The following SF3B3 variants were observed in gnomAD, a reference collection of about 807,000 sequenced individuals.
SF3B3 encodes the protein SAP 130.
A neutral mutation model predicts 139.2 loss-of-function variants in SF3B3; 33 were observed. The observed-to-expected ratio is 0.24, with a 90% CI of 0.18 to 0.32. The LOEUF (loss-of-function observed/expected upper bound fraction) is 0.32. Among genes scored for constraint, SF3B3 ranks in the 10% least tolerant of loss-of-function variants. The pLI, the probability that SF3B3 is intolerant of heterozygous loss-of-function variation, is 1.00. For synonymous variants in SF3B3, 596 were observed against 563.6 expected (o/e 1.06, Z -0.81); for missense variants, 818 against 1,509.4 (o/e 0.54, Z 7.59).
Position 70,572,614 on chromosome 16 carries a change from T to C in SF3B3, c.*801T>C, listed in dbSNP as rs7190039. 0.62 allele frequency: 95,975 copies of C among 154,330 alleles called. 32,584 individuals carry two copies. Among genetic ancestry groups the C allele is most frequent in the African/African-American group, 0.91 (37,674 of 41,498 alleles). 9.6% of individuals were successfully genotyped at this position (154,330 alleles called of 1,614,324 possible). A position where few individuals can be genotyped will look rare whatever the true frequency, so the allele number is the denominator to read the frequency against. On this transcript the variant is annotated 3_prime_UTR_variant, in exon 26 of 26. Transcript: ENST00000302516. ...AGTATGGGGATTTTAGCATGAATTC[T>C]AGCTGGGGAGTCTTAACAGATGCCC... is the stretch of plus-strand genomic sequence containing the variant.
chr16:70,538,155 A>G, intron 6 of SF3B3, 168 bp from the exon 7 acceptor site: 2 of 746,768 alleles, frequency 2.7e-6, no homozygotes, highest in Non-Finnish European at 4.9e-6. Context: ...TTTATATTAG[A>G]ATTTTGAGCT....
At chr16:70,555,247 A>G (rs75530043) in intron 13 of SF3B3, 41 bp downstream of exon 13, 1 of 1,565,630 alleles carries the variant, frequency 6.4e-7, no homozygotes, top group Admixed American at 1.7e-5. Context: ...TATTGTAGGG[A>G]CCAGAGGGAA....
At chr16:70,570,819 T>G (rs1281046737) in intron 24 of SF3B3, among the ~76,000 whole-genome samples, 1 of 152,224 alleles carries the variant, frequency 6.6e-6, no homozygotes, top group Non-Finnish European at 1.5e-5. Flanking sequence ...TTGGCATGTT[T>G]TATTCCAGCC....
intron 6 of SF3B3, 132 bp from the exon 7 acceptor site, chr16:70,538,191 A>G (rs572369703): frequency 2.4e-6 from 2 of 828,586 alleles, no homozygotes; most frequent in African/African-American, 1.7e-5. Flanking sequence ...TCTGGCTGGC[A>G]GGACACTGTG....
chr16:70,556,745 T>C, intron 14 of SF3B3, 141 bp from the exon 15 acceptor site: 3 of 802,944 alleles, frequency 3.7e-6, no homozygotes, highest in Admixed American at 2.3e-5. Context: ...AATAACTCAG[T>C]ACTCTCTTAG....
rs1290525089 is a variant in SF3B3, at chr16:70,530,803, T to A, written c.456T>A (p.Leu152=). 1 of 1,614,126 alleles carries A rather than the reference T, an allele frequency of 6.2e-7. No homozygotes were observed. The highest frequency in any genetic ancestry group is 1.7e-5 in the Admixed American group (1 of 60,012). Residue 152 remains leucine, a synonymous_variant, in exon 4 of 26, where the codon CTT becomes CTA. Transcript: ENST00000302516. ...TGAACAGAGATGCTGCAGCCCGACT[T>A]ACCATTTCATCTCCCCTGGAAGCCC... ...YILNRDAAAR[L]TISSPLEAHK... is the part of the protein sequence containing the mutation.
rs1321352937 is a variant in SF3B3, at chr16:70,523,849, T to C, written c.-150T>C. 11 of 519,384 alleles carry C rather than the reference T, an allele frequency of 2.1e-5. No homozygotes were observed. The highest frequency in any genetic ancestry group is 3.0e-5 in the South Asian group (1 of 33,100). 32.2% of individuals were successfully genotyped at this position (519,384 alleles called of 1,614,324 possible). ...CTTGAGGTCTAATGGCGGACGCCAGTATGTTGGAGTTGGTGGTGGCTTAAG... is the reference window on the plus strand; with the variant it reads ...CTTGAGGTCTAATGGCGGACGCCAGCATGTTGGAGTTGGTGGTGGCTTAAG... On this transcript the variant is annotated 5_prime_UTR_variant, in exon 1 of 26. Transcript: ENST00000302516.
intron 15 of SF3B3, 97 bp from the exon 16 acceptor site, chr16:70,560,372 G>T: frequency 7.8e-7 from 1 of 1,275,530 alleles, no homozygotes; most frequent in Non-Finnish European, 1.1e-6. Flanking sequence ...CTTTCTATCT[G>T]CTCTAATTTC....
At chr16:70,556,461 A>G (rs2050380576) in intron 14 of SF3B3, 127 bp downstream of exon 14, 1 of 981,502 alleles carries the variant, frequency 1.0e-6, no homozygotes, top group Non-Finnish European at 1.6e-6. Context: ...CCCAGAATCC[A>G]TACCTGCTGC....
chr16:70,567,437 T>C lies in SF3B3; in HGVS notation c.2853T>C (p.Ala951=). The change falls in exon 21 of 26, where the codon GCT becomes GCC. Residue 951 remains alanine (A), a synonymous_variant. Coordinates refer to ENST00000302516, the MANE Select transcript of SF3B3 (RefSeq NM_012426.5). Reference sequence around the variant, plus strand: ...CTCCTGTGGAAGAGGTCCCTGCTGCTATTGCCCCATTCCAGGGGAGGGTGT... The same window carrying C: ...CTCCTGTGGAAGAGGTCCCTGCTGCCATTGCCCCATTCCAGGGGAGGGTGT... The part of the protein sequence containing the change: ...HKTPVEEVPA[A]IAPFQGRVLI... 6.2e-7 allele frequency: 1 copy of C among 1,614,016 alleles called. No individual in the cohort carries two copies. Among genetic ancestry groups the C allele is most frequent in the Non-Finnish European group, 8.5e-7 (1 of 1,179,926 alleles).
chr16:70,569,005 C>A, intron 22 of SF3B3, 38 bp from the exon 23 acceptor site: 1 of 1,483,842 alleles, frequency 6.7e-7, no homozygotes, highest in Admixed American at 1.9e-5. Flanking sequence ...TGAGCAGGTC[C>A]GGGCCCCAGC....
In SF3B3 at chr16:70,576,531, C is replaced by A. The variant is rs912922376; in HGVS notation, c.*4718C>A. ...GGCTTAGAAGTTACTAATTTGGAGCCGTGAGTATATGTGTATAAGCTAGTA... is the reference window on the plus strand; with the variant it reads ...GGCTTAGAAGTTACTAATTTGGAGCAGTGAGTATATGTGTATAAGCTAGTA... On this transcript the variant is annotated 3_prime_UTR_variant, in exon 26 of 26. Coordinates refer to ENST00000302516, the MANE Select transcript of SF3B3 (RefSeq NM_012426.5). 6.6e-6 allele frequency: 1 copy of A among 152,098 alleles called. No individual in the cohort carries two copies. Among genetic ancestry groups the A allele is most frequent in the African/African-American group, 2.4e-5 (1 of 41,406 alleles). 9.4% of individuals were successfully genotyped at this position (152,098 alleles called of 1,614,324 possible).
At position 70,571,882 on chromosome 16, in the gene SF3B3, C is replaced by G; in HGVS notation, c.*69C>G. On this transcript the variant is annotated 3_prime_UTR_variant, in exon 26 of 26. Coordinates refer to ENST00000302516, the MANE Select transcript of SF3B3 (RefSeq NM_012426.5). ...TTTCCCCCACCACCATCACTGCCACCTGGCTTCTGCCATGTGGCAGGAGGG... is the reference window on the plus strand; with the variant it reads ...TTTCCCCCACCACCATCACTGCCACGTGGCTTCTGCCATGTGGCAGGAGGG... 6.6e-7 allele frequency: 1 copy of G among 1,524,060 alleles called. No homozygotes were observed. The highest frequency in any genetic ancestry group is 8.9e-7 in the Non-Finnish European group (1 of 1,127,398). 94.4% of individuals were successfully genotyped at this position (1,524,060 alleles called of 1,614,324 possible). A position where few individuals can be genotyped will look rare whatever the true frequency, so the allele number is the denominator to read the frequency against.
At chr16:70,550,996 A>G (rs1199497077) in intron 11 of SF3B3, among the ~76,000 whole-genome samples, 1 of 152,214 alleles carries the variant, frequency 6.6e-6, no homozygotes, top group African/African-American at 2.4e-5. Flanking sequence ...TACTGACTGA[A>G]AGATCAGGAC....
intron 9 of SF3B3, among the ~76,000 whole-genome samples, chr16:70,544,156 T>G (rs2050246825): frequency 6.6e-6 from 1 of 152,202 alleles, no homozygotes; most frequent in Admixed American, 6.5e-5. Context: ...ATGGGTGTGT[T>G]AATTTTTTTT....
rs1422548686 is a variant in SF3B3, at chr16:70,555,115, G to C, written c.1619G>C (p.Gly540Ala). 1 of 1,614,036 alleles carries C rather than the reference G, an allele frequency of 6.2e-7. No individual in the cohort carries two copies. The highest frequency in any genetic ancestry group is 1.3e-5 in the African/African-American group (1 of 74,926). Residue 540 changes from glycine to alanine, a missense_variant, in exon 13 of 26, where the codon GGA becomes GCA. Transcript: ENST00000302516. The part of the protein sequence containing the change: ...DKRVNEWKTP[G>A]KKTIVKCAVN... ...AGAGTCAATGAGTGGAAGACCCCTG[G>C]AAAGAAAACAATTGTGAAGTGTGCA...
At chr16:70,554,371 AACTCTTAGTGTTTCATTTG>A in intron 11 of SF3B3, 56 bp from the exon 12 acceptor site, 1 of 1,432,606 alleles carries the variant, frequency 7.0e-7, no homozygotes, top group Non-Finnish European at 9.7e-7. Flanking sequence ...TTCTGAAGAG[AACTCTTAGTGTTTCATTTG>A]GCTTTGTAAT....
chr16:70,558,838 CCACCCG>C (rs2151790657), intron 15 of SF3B3, among the ~76,000 whole-genome samples: 1 of 152,344 alleles, frequency 6.6e-6, no homozygotes, highest in South Asian at 2.1e-4. Context: ...CTCAAGCGAT[CCACCCG>C]CCTTGGCCTC....
At chr16:70,528,488 T>TTA (rs1188863120) in intron 2 of SF3B3, among the ~76,000 whole-genome samples, 15,228 of 118,654 alleles carry the variant, frequency 0.13, 2,820 homozygotes, top group African/African-American at 0.44. Context: ...TTTTTTTTTT[T>TTA]AGAGACGATA....
Sources: allele counts gnomAD v4.1 joint callset (sites outside exome capture counted in the v4.1 genomes callset), GRCh38; gene constraint gnomAD v4.1.1; transcripts MANE v1.5; gene names NCBI Gene and HGNC (gene_info 2026-07-23, HGNC 2026-07-21).